RALGPS1: variants seen among roughly 807,000 people sequenced by gnomAD.
The protein encoded by RALGPS1 is ras-specific guanine nucleotide-releasing factor RalGPS1.
A neutral mutation model predicts 78.8 loss-of-function variants in RALGPS1; 19 were observed. The observed-to-expected ratio is 0.24, with a 90% CI of 0.17 to 0.35. The LOEUF (loss-of-function observed/expected upper bound fraction) is 0.35, where lower values mean the gene tolerates loss of function less well. Ranked by LOEUF, RALGPS1 falls within the 10% of genes least tolerant of loss-of-function variation. RALGPS1 has a pLI of 1.00. For missense variants in RALGPS1, 454 were observed against 688.3 expected (o/e 0.66, Z 3.81); for synonymous variants, 228 against 256.3 (o/e 0.89, Z 1.06).
intron 1 of RALGPS1, among the ~76,000 whole-genome samples, chr9:126,958,142 A>AAAAAAATATATATATATAT (rs113413659): frequency 1.3e-5 from 1 of 77,098 alleles, no homozygotes; most frequent in Admixed American, 1.5e-4. Context: ...AAAAAAAAAA[A>AAAAAAATATATATATATAT]ATATATATAT....
chr9:127,130,641 A>G (rs1257469205), intron 8 of RALGPS1, among the ~76,000 whole-genome samples: 2 of 152,266 alleles, frequency 1.3e-5, no homozygotes, highest in Non-Finnish European at 2.9e-5. Flanking sequence ...AAGACAGTGC[A>G]TGTATTGACA....
At chr9:127,159,519 G>A (rs748750025) in intron 8 of RALGPS1, among the ~76,000 whole-genome samples, 1 of 152,206 alleles carries the variant, frequency 6.6e-6, no homozygotes, top group Non-Finnish European at 1.5e-5. Context: ...TCTGCAGACC[G>A]AGGAAACTGT....
intron 5 of RALGPS1, among the ~76,000 whole-genome samples, chr9:127,041,063 G>GTGTGTA (rs1004091757): frequency 1.3e-5 from 2 of 151,202 alleles, no homozygotes; most frequent in African/African-American, 4.9e-5. Context: ...GTGTGTGTGT[G>GTGTGTA]TGTATGTACT....
At chr9:126,925,994 A>G (rs1374936373) in intron 1 of RALGPS1, among the ~76,000 whole-genome samples, 1 of 152,248 alleles carries the variant, frequency 6.6e-6, no homozygotes, top group Non-Finnish European at 1.5e-5. Flanking sequence ...TGTTCTGGTC[A>G]TGGCCTTGTT....
At chr9:126,919,141 G>A (rs1243656356) in intron 1 of RALGPS1, among the ~76,000 whole-genome samples, 4 of 152,092 alleles carry the variant, frequency 2.6e-5, no homozygotes, top group Admixed American at 2.0e-4. Context: ...ATACTCATTG[G>A]TGCTTCATGT....
intron 8 of RALGPS1, among the ~76,000 whole-genome samples, chr9:127,076,535 A>G (rs921555354): frequency 2.6e-5 from 4 of 152,272 alleles, no homozygotes; most frequent in Non-Finnish European, 5.9e-5. Flanking sequence ...TCAAAAAGTA[A>G]GACTTTATTT....
intron 14 of RALGPS1, among the ~76,000 whole-genome samples, chr9:127,202,128 G>T (rs2061667809): frequency 6.6e-6 from 1 of 152,176 alleles, no homozygotes; most frequent in South Asian, 2.1e-4. Flanking sequence ...GCCTGCCCAG[G>T]CTAGGAAGAG....
chr9:127,182,467 T>A (rs1416207464), intron 11 of RALGPS1, among the ~76,000 whole-genome samples: 1 of 147,392 alleles, frequency 6.8e-6, no homozygotes, highest in Non-Finnish European at 1.5e-5. Context: ...TCTCGCTCTG[T>A]CACCCAGGCT....
intron 1 of RALGPS1, among the ~76,000 whole-genome samples, chr9:126,920,555 C>G (rs905664267): frequency 6.6e-6 from 1 of 152,148 alleles, no homozygotes; most frequent in Non-Finnish European, 1.5e-5. Flanking sequence ...GAGGTGCAGG[C>G]CAAAGGAGCT....
At chr9:126,999,065 C>A in intron 4 of RALGPS1, among the ~76,000 whole-genome samples, 1 of 148,058 alleles carries the variant, frequency 6.8e-6, no homozygotes, top group African/African-American at 2.5e-5. Flanking sequence ...ATACCTAATG[C>A]TAAATGACGA....
chr9:127,038,689 G>T (rs184288254), intron 5 of RALGPS1, among the ~76,000 whole-genome samples: 1 of 152,156 alleles, frequency 6.6e-6, no homozygotes, highest in Non-Finnish European at 1.5e-5. Flanking sequence ...GCTCATAGTC[G>T]AGTGTAGGAG....
intron 8 of RALGPS1, chr9:127,087,350 G>A (rs1269373664): frequency 6.6e-6 from 1 of 152,448 alleles, no homozygotes; most frequent in African/African-American, 2.4e-5. Flanking sequence ...CATCCAAATA[G>A]CACTGATGGC....
intron 5 of RALGPS1, among the ~76,000 whole-genome samples, chr9:127,035,877 C>T (rs1386174405): frequency 6.6e-6 from 1 of 151,912 alleles, no homozygotes; most frequent in Non-Finnish European, 1.5e-5. Context: ...GAAAAATCGT[C>T]TCTTTTCAAC....
intron 2 of RALGPS1, among the ~76,000 whole-genome samples, chr9:126,963,169 T>A (rs2039075376): frequency 6.6e-6 from 1 of 152,212 alleles, no homozygotes; most frequent in African/African-American, 2.4e-5. Context: ...CAGCTTTTGA[T>A]CAACACGTCC....
chr9:127,171,454 A>T (rs1040932427), intron 10 of RALGPS1, among the ~76,000 whole-genome samples: 2 of 152,218 alleles, frequency 1.3e-5, no homozygotes, highest in Non-Finnish European at 2.9e-5. Context: ...AGCCTTCTAA[A>T]ATTAATAAAA....
At chr9:127,053,456 GT>G (rs1460035599) in intron 7 of RALGPS1, among the ~76,000 whole-genome samples, 1 of 152,184 alleles carries the variant, frequency 6.6e-6, no homozygotes, top group Non-Finnish European at 1.5e-5. Context: ...CTGTAGGAAA[GT>G]TTTTCTGCTG....
chr9:127,072,748 A>G (rs1463714344), intron 8 of RALGPS1, among the ~76,000 whole-genome samples: 3 of 152,214 alleles, frequency 2.0e-5, no homozygotes, highest in Non-Finnish European at 4.4e-5. Flanking sequence ...TATATGTTAC[A>G]GTCCCCTTAT....
At chr9:127,001,162 C>T (rs2043272927) in intron 4 of RALGPS1, among the ~76,000 whole-genome samples, 3 of 151,604 alleles carry the variant, frequency 2.0e-5, no homozygotes, top group African/African-American at 7.3e-5. Context: ...GTGGTGCATG[C>T]CTGTCGTCCC....
At chr9:127,194,998 C>T in intron 11 of RALGPS1, 93 bp from the exon 12 acceptor site, 1 of 1,499,136 alleles carries the variant, frequency 6.7e-7, no homozygotes, top group Non-Finnish European at 9.2e-7. Context: ...GTACTTCAAA[C>T]CCGGGGCCCA....
Sources: allele counts gnomAD v4.1 joint callset (sites outside exome capture counted in the v4.1 genomes callset), GRCh38; gene constraint gnomAD v4.1.1; transcripts MANE v1.5; gene names NCBI Gene and HGNC (gene_info 2026-07-23, HGNC 2026-07-21).